Variants in PIAS4 observed in about 807,000 individuals in gnomAD.
The protein encoded by PIAS4 is protein inhibitor of activated STAT 4.
Under a neutral mutation model 58.0 loss-of-function variants are expected in PIAS4, and 7 were observed. That is an observed-to-expected ratio of 0.12 (90% confidence interval 0.07 to 0.23). The LOEUF is 0.23. Among genes scored for constraint, PIAS4 ranks in the 10% least tolerant of loss-of-function variants. PIAS4 has a pLI of 1.00. For missense variants in PIAS4, 550 were observed against 709.5 expected (o/e 0.78, Z 2.55); for synonymous variants, 364 against 312.4 (o/e 1.17, Z -1.74).
chr19:4,028,760 G>A lies in PIAS4; in HGVS notation c.713G>A (p.Arg238Lys), dbSNP rs764634633. Residue 238 changes from arginine (R) to lysine (K), a missense_variant, in exon 6 of 11, where the codon AGG becomes AAG. Arg to Lys is a conservative substitution (Grantham distance 26). Around this residue, in one of 4 missense-constraint regions of PIAS4, gnomAD observed 225 missense variants for 345.8 expected, o/e 0.65. Transcript: ENST00000262971. Reference sequence around the variant, plus strand: ...AATAAGCCCGGGGTGGAGCCCAAGAGGCCGTGCCGCCCCATCAACCTCACC... The same window carrying A: ...AATAAGCCCGGGGTGGAGCCCAAGAAGCCGTGCCGCCCCATCAACCTCACC... ...PSNKPGVEPK[R>K]PCRPINLTHL... 9.9e-6 allele frequency: 16 copies of A among 1,613,280 alleles called. 1 individual carries two copies. The South Asian group carries it at 1.8e-4, about 18-fold the overall frequency.
At chr19:4,009,125 T>G (rs1375771555) in intron 1 of PIAS4, among the ~76,000 whole-genome samples, 1 of 152,008 alleles carries the variant, frequency 6.6e-6, no homozygotes, top group Non-Finnish European at 1.5e-5. Context: ...CCGGGGAGGT[T>G]AGGGGACCTC....
rs1161605422 is a variant in PIAS4, at chr19:4,037,268, G to C, written c.1143-106G>C. The C allele has an allele frequency of 4.3e-6, 6 of 1,404,582 alleles. No individual in the cohort carries two copies. The South Asian group carries it at 6.8e-5, about 16-fold the overall frequency. 87.0% of individuals were successfully genotyped at this position (1,404,582 alleles called of 1,614,324 possible). A position where few individuals can be genotyped will look rare whatever the true frequency, so the allele number is the denominator to read the frequency against. ...TCGGGGTGGTGAGGCTGCTCTTGCA[G>C]AGAGAAGTGGGGAGTGCCTGGCTGC... On this transcript the variant is annotated intron_variant, in intron 9 of 10. Coordinates refer to ENST00000262971, the MANE Select transcript of PIAS4 (RefSeq NM_015897.4). The surrounding 1 kb of genome is among the most constrained non-coding windows in gnomAD (Gnocchi z 5.8).
At chr19:4,017,272 G>A (rs970263959) in intron 2 of PIAS4, among the ~76,000 whole-genome samples, 1 of 152,122 alleles carries the variant, frequency 6.6e-6, no homozygotes, top group Admixed American at 6.5e-5. Flanking sequence ...CCCATGTCCC[G>A]CTAGTCCTTC....
At chr19:4,036,128 C>G (rs2040280254) in intron 9 of PIAS4, among the ~76,000 whole-genome samples, 1 of 121,772 alleles carries the variant, frequency 8.2e-6, no homozygotes, top group African/African-American at 2.6e-5. Context: ...ATACAGTCCA[C>G]ACCGTCACAC....
chr19:4,031,483 G>A (rs2040221956), intron 7 of PIAS4, among the ~76,000 whole-genome samples: 1 of 152,182 alleles, frequency 6.6e-6, no homozygotes, highest in African/African-American at 2.4e-5. Context: ...AGGGTTCTGT[G>A]TCCTGGGTTA....
chr19:4,007,756 C>G lies in PIAS4; in HGVS notation c.-5C>G, dbSNP rs1323607237. 5 of 1,216,750 alleles carry G rather than the reference C, an allele frequency of 4.1e-6. No homozygotes were observed. The highest frequency in any genetic ancestry group is 4.1e-6 in the Non-Finnish European group (4 of 971,416). The allele number at this position is 1,216,750 out of a possible 1,614,324, so 75.4% of individuals were successfully genotyped here. On this transcript the variant is annotated 5_prime_UTR_variant, in exon 1 of 11. Transcript: ENST00000262971. ...CTCCCGGCGCGGGGGACGCTGGTGA[C>G]CAAGATGGCGGCGGAGCTGGTGGAG... is the stretch of plus-strand genomic sequence containing the variant.
Position 4,033,576 on chromosome 19 carries a change from G to A in PIAS4, c.1138G>A (p.Asp380Asn). The A allele has an allele frequency of 6.2e-7, 1 of 1,604,020 alleles. No homozygotes were observed. Among genetic ancestry groups the A allele is most frequent in the Non-Finnish European group, 8.5e-7 (1 of 1,176,588 alleles). The change falls in exon 9 of 11, where the codon GAC becomes AAC. Residue 380 changes from aspartate (D) to asparagine (N), a missense_variant. Coordinates refer to ENST00000262971, the MANE Select transcript of PIAS4 (RefSeq NM_015897.4). ...AGCCCCCTACGACCAGCTCATCATC[G>A]ACGGGTGAGCCCGGGGCCCCGGGGA... ...KPAPYDQLII[D>N]GLLSKILSEC...
At position 4,033,558 on chromosome 19, in the gene PIAS4, T is replaced by C; in HGVS notation, c.1120T>C (p.Tyr374His). 6.2e-7 allele frequency: 1 copy of C among 1,608,730 alleles called. No individual in the cohort carries two copies. The highest frequency in any genetic ancestry group is 8.5e-7 in the Non-Finnish European group (1 of 1,178,574). ...CCCCGTGTGCGACAAGCCAGCCCCCTACGACCAGCTCATCATCGACGGGTG... is the reference window on the plus strand; with the variant it reads ...CCCCGTGTGCGACAAGCCAGCCCCCCACGACCAGCTCATCATCGACGGGTG... Reference protein sequence around the residue: ...MCPVCDKPAPYDQLIIDGLLS... With the variant: ...MCPVCDKPAPHDQLIIDGLLS... Residue 374 changes from tyrosine to histidine, a missense_variant, in exon 9 of 11, where the codon TAC (tyrosine) becomes CAC (histidine). Transcript: ENST00000262971.
intron 7 of PIAS4, among the ~76,000 whole-genome samples, chr19:4,030,535 C>G (rs1208201262): frequency 6.6e-6 from 1 of 151,570 alleles, no homozygotes; most frequent in Non-Finnish European, 1.5e-5. Flanking sequence ...AGGAGAATGG[C>G]GTGAACCCAG....
intron 2 of PIAS4, among the ~76,000 whole-genome samples, chr19:4,021,720 T>C (rs1218674114): frequency 2.6e-5 from 4 of 151,686 alleles, no homozygotes; most frequent in African/African-American, 4.8e-5. Flanking sequence ...AATTCACCGA[T>C]ATGGACCTGC....
At chr19:4,009,217 C>T (rs1309096532) in intron 1 of PIAS4, among the ~76,000 whole-genome samples, 3 of 152,184 alleles carry the variant, frequency 2.0e-5, no homozygotes, top group East Asian at 3.9e-4. Flanking sequence ...CTCACATTAC[C>T]CCCTGGGATC....
chr19:4,019,547 C>T (rs1003270525), intron 2 of PIAS4, among the ~76,000 whole-genome samples: 6 of 152,192 alleles, frequency 3.9e-5, no homozygotes, highest in African/African-American at 7.2e-5. Context: ...TTTTCACCTC[C>T]GACCCAGCCT....
Position 4,028,525 on chromosome 19 carries a change from C to T in PIAS4, c.597C>T (p.Asp199=), listed in dbSNP as rs1441864696. 6 of 1,612,756 alleles carry T rather than the reference C, an allele frequency of 3.7e-6. No homozygotes were observed. The highest frequency in any genetic ancestry group is 5.1e-6 in the Non-Finnish European group (6 of 1,179,766). Residue 199 remains aspartate, a synonymous_variant, in exon 5 of 11, where the codon GAC becomes GAT. Coordinates refer to ENST00000262971, the MANE Select transcript of PIAS4 (RefSeq NM_015897.4). ...GTCGTTGCAGAATCTGTTACTCAGA[C>T]ACCAGCTGCCCTCAGGAGGACCAGT... ...VQVVLRICYS[D]TSCPQEDQYP... is the part of the protein sequence containing the mutation.
chr19:4,019,648 C>T (rs771972725), intron 2 of PIAS4, among the ~76,000 whole-genome samples: 2 of 152,200 alleles, frequency 1.3e-5, no homozygotes, highest in South Asian at 2.1e-4. Context: ...CAGACCTGGG[C>T]GCGTCTGCAG....
At chr19:4,025,031 T>C (rs1309787559) in intron 3 of PIAS4, among the ~76,000 whole-genome samples, 1 of 152,234 alleles carries the variant, frequency 6.6e-6, no homozygotes, top group African/African-American at 2.4e-5. Context: ...CCCAGAATGC[T>C]GGGATTACAG....
chr19:4,020,490 T>C (rs2040098330), intron 2 of PIAS4, among the ~76,000 whole-genome samples: 1 of 149,030 alleles, frequency 6.7e-6, no homozygotes, highest in Non-Finnish European at 1.5e-5. Flanking sequence ...TGTGGCCAGA[T>C]TCTCGCTCCC....
chr19:4,013,990 G>A lies in PIAS4; in HGVS notation c.454+641G>A, dbSNP rs2040026769. 6.6e-6 allele frequency among the ~76,000 whole-genome samples: 1 copy of A among 152,186 alleles called. No individual in the cohort carries two copies. Among genetic ancestry groups the A allele is most frequent in the Admixed American group, 6.5e-5 (1 of 15,284 alleles). On this transcript the variant is annotated intron_variant, in intron 2 of 10. Coordinates refer to ENST00000262971, the MANE Select transcript of PIAS4 (RefSeq NM_015897.4). The surrounding 1 kb of genome is among the most constrained non-coding windows in gnomAD (Gnocchi z 5.1). ...GGCTGTGACTGCCAGGGCCAGGGGT[G>A]ACCAGGGCCACCTGGGAGCCTGGTT...
chr19:4,028,632 C>T (rs199592176), intron 5 of PIAS4, 32 bp downstream of exon 5: 305 of 1,610,158 alleles, frequency 1.9e-4, no homozygotes, highest in South Asian at 4.2e-4. Flanking sequence ...GTCGGCTGCA[C>T]GGGTTTGGGG....
Position 4,037,298 on chromosome 19 carries a change from G to T in PIAS4, c.1143-76G>T, listed in dbSNP as rs1386317890. On this transcript the variant is annotated intron_variant, in intron 9 of 10. Coordinates refer to ENST00000262971, the MANE Select transcript of PIAS4 (RefSeq NM_015897.4). This position sits in a 1 kb window ranked among gnomAD's most constrained non-coding sequence, Gnocchi z 5.8. Reference sequence around the variant, plus strand: ...AAGTGGGGAGTGCCTGGCTGCATCCGGGAGGGATGGAGGGCTGGGGAGTTG... The same window carrying T: ...AAGTGGGGAGTGCCTGGCTGCATCCTGGAGGGATGGAGGGCTGGGGAGTTG... The T allele has an allele frequency of 5.2e-6, 8 of 1,525,962 alleles. No individual in the cohort carries two copies. In the Middle Eastern group the frequency reaches 7.3e-4, roughly 139 times the overall value. The allele number at this position is 1,525,962 out of a possible 1,614,324, so 94.5% of individuals were successfully genotyped here. A position where few individuals can be genotyped will look rare whatever the true frequency, so the allele number is the denominator to read the frequency against.
Sources: allele counts gnomAD v4.1 joint callset (sites outside exome capture counted in the v4.1 genomes callset), GRCh38; gene constraint gnomAD v4.1.1; regional missense constraint gnomAD v4.1.1; non-coding constraint Gnocchi (gnomAD v3.1); transcripts MANE v1.5; gene names NCBI Gene and HGNC (gene_info 2026-07-23, HGNC 2026-07-21).